MAST2: variants seen among roughly 807,000 people sequenced by gnomAD.
The protein encoded by MAST2 is microtubule-associated serine/threonine-protein kinase 2.
A neutral mutation model predicts 147.4 loss-of-function variants in MAST2; 70 were observed. The observed-to-expected ratio is 0.47, with a 90% confidence interval of 0.39 to 0.58. MAST2 has a LOEUF of 0.58. Among genes scored for constraint, MAST2 ranks in the 20% least tolerant of loss-of-function variants. MAST2 has a pLI of 0.00. For missense variants in MAST2, 2,080 were observed against 2,302.3 expected (o/e 0.90, Z 1.98); for synonymous variants, 869 against 896.8 (o/e 0.97, Z 0.55).
intron 5 of MAST2, among the ~76,000 whole-genome samples, chr1:45,980,805 G>A (rs1644376058): frequency 6.6e-6 from 1 of 152,088 alleles, no homozygotes; most frequent in Admixed American, 6.5e-5. Flanking sequence ...CAAAGTGCTA[G>A]AATTACAAGT....
At position 45,810,502 on chromosome 1, in the gene MAST2, G is replaced by A. The variant is rs1644257297; in HGVS notation, c.177+6430G>A. Among the ~76,000 whole-genome samples the A allele has an allele frequency of 3.9e-5, 6 of 152,190 alleles. No homozygotes were observed. In the South Asian group the frequency reaches 1.0e-3, roughly 26 times the overall value. ...ATTAAAGAAGCCTTGATTGTTGAGGGTCTTTAGTGTGATATAAAAGGATAA... is the reference window on the plus strand; with the variant it reads ...ATTAAAGAAGCCTTGATTGTTGAGGATCTTTAGTGTGATATAAAAGGATAA... On this transcript the variant is annotated intron_variant, in intron 1 of 28. Coordinates refer to ENST00000361297, the MANE Select transcript of MAST2 (RefSeq NM_015112.3).
intron 3 of MAST2, among the ~76,000 whole-genome samples, chr1:45,876,778 G>A (rs550002945): frequency 6.6e-6 from 1 of 152,300 alleles, no homozygotes; most frequent in South Asian, 2.1e-4. Context: ...TCAAATGCAG[G>A]CTTTTGTATA....
chr1:45,902,491 G>C (rs1472390513), intron 4 of MAST2, among the ~76,000 whole-genome samples: 1 of 151,930 alleles, frequency 6.6e-6, no homozygotes, highest in Non-Finnish European at 1.5e-5. Flanking sequence ...TACTGATTTA[G>C]TAGAACGAGC....
chr1:45,840,090 A>G (rs1415325244), intron 3 of MAST2, among the ~76,000 whole-genome samples: 5 of 152,320 alleles, frequency 3.3e-5, no homozygotes, highest in East Asian at 1.9e-4. Context: ...AGCTTAACCT[A>G]TAAAAGGAAA....
At chr1:45,811,560 C>G (rs553914536) in intron 1 of MAST2, among the ~76,000 whole-genome samples, 380 of 134,708 alleles carry the variant, frequency 2.8e-3, no homozygotes, top group African/African-American at 9.8e-3. Flanking sequence ...AGGATGGTCT[C>G]GATCTCCTGA....
intron 1 of MAST2, among the ~76,000 whole-genome samples, chr1:45,813,353 C>T (rs528194226): frequency 5.3e-5 from 8 of 151,362 alleles, no homozygotes; most frequent in Non-Finnish European, 1.2e-4. Context: ...TTTTTGAGAC[C>T]GAGTCTTGCT....
chr1:45,951,007 C>T (rs537975900), intron 4 of MAST2, among the ~76,000 whole-genome samples: 247 of 152,038 alleles, frequency 1.6e-3, no homozygotes, highest in Middle Eastern at 3.4e-3. Context: ...CGCTTGAGCC[C>T]GGGAGTTCAA....
intron 9 of MAST2, 141 bp from the exon 10 acceptor site, chr1:46,010,589 T>C: frequency 1.5e-6 from 1 of 655,090 alleles, no homozygotes; most frequent in Non-Finnish European, 2.6e-6. Context: ...ATGTCTTCAG[T>C]TATCAGGTTT....
intron 7 of MAST2, 31 bp downstream of exon 7, chr1:46,002,914 T>G (rs751144348): frequency 8.1e-6 from 13 of 1,601,082 alleles, no homozygotes; most frequent in Non-Finnish European, 1.1e-5. Flanking sequence ...CCATACTTCC[T>G]TCACCCTAAG....
At chr1:45,991,116 A>G (rs1449105851) in intron 5 of MAST2, among the ~76,000 whole-genome samples, 1 of 152,062 alleles carries the variant, frequency 6.6e-6, no homozygotes, top group African/African-American at 2.4e-5. Flanking sequence ...ATGAACATTC[A>G]GTTGTTCCAG....
chr1:45,814,793 TAAAAAG>T (rs1217796523), intron 1 of MAST2, among the ~76,000 whole-genome samples: 6 of 152,126 alleles, frequency 3.9e-5, no homozygotes, highest in Non-Finnish European at 5.9e-5. Flanking sequence ...ATCTCAAAAA[TAAAAAG>T]AAAAAGCTAT....
chr1:45,811,824 C>A (rs918624973), intron 1 of MAST2, among the ~76,000 whole-genome samples: 1 of 151,594 alleles, frequency 6.6e-6, no homozygotes, highest in African/African-American at 2.4e-5. Context: ...TTAGTAGAGA[C>A]GGGGTTTCAC....
At chr1:46,030,376 G>A (rs1477110401) in intron 21 of MAST2, 138 bp downstream of exon 21, 18 of 911,968 alleles carry the variant, frequency 2.0e-5, no homozygotes, top group Non-Finnish European at 3.0e-5. Flanking sequence ...TAAGGGTTGG[G>A]GCTACATATA....
At chr1:46,006,731 C>T (rs915459811) in intron 8 of MAST2, 1 of 183,318 alleles carries the variant, frequency 5.5e-6, no homozygotes, top group Non-Finnish European at 1.1e-5. Context: ...AGGTACAGCT[C>T]AACCCATCAC....
intron 5 of MAST2, among the ~76,000 whole-genome samples, chr1:45,980,852 A>T (rs1203958647): frequency 2.0e-5 from 3 of 152,078 alleles, no homozygotes; most frequent in Non-Finnish European, 4.4e-5. Flanking sequence ...TTGTTATAAC[A>T]TCTTAATCTT....
At chr1:45,828,207 A>C (rs1490526759) in intron 2 of MAST2, among the ~76,000 whole-genome samples, 1 of 152,120 alleles carries the variant, frequency 6.6e-6, no homozygotes, top group East Asian at 1.9e-4. Flanking sequence ...TTGTTCTCCA[A>C]ATGAATTGTA....
intron 5 of MAST2, among the ~76,000 whole-genome samples, chr1:45,964,071 T>C (rs1660819260): frequency 6.6e-6 from 1 of 152,254 alleles, no homozygotes; most frequent in Admixed American, 6.5e-5. Context: ...GAAGCCCACT[T>C]GATCATGGTG....
At chr1:45,929,623 G>A (rs776792586) in intron 4 of MAST2, among the ~76,000 whole-genome samples, 5 of 152,176 alleles carry the variant, frequency 3.3e-5, no homozygotes, top group Non-Finnish European at 7.3e-5. Context: ...TGCTGATCCT[G>A]ATGGCCTCAT....
chr1:45,860,200 A>G (rs994829438), intron 3 of MAST2, among the ~76,000 whole-genome samples: 3 of 100,334 alleles, frequency 3.0e-5, no homozygotes, highest in African/African-American at 1.3e-4. Flanking sequence ...TCTACTAAAA[A>G]TACACACACA....
Sources: gnomAD v4.1 joint callset for allele counts (sites outside exome capture counted in the v4.1 genomes callset) on GRCh38, gnomAD v4.1.1 for gene constraint, MANE v1.5 for transcripts, NCBI Gene and HGNC (gene_info 2026-07-23, HGNC 2026-07-21) for gene names.